GJB7: variants seen among roughly 807,000 people sequenced by gnomAD.
GJB7 encodes the protein gap junction beta-7 protein.
For synonymous variants in GJB7, 87 were observed against 95.2 expected (o/e 0.91, Z 0.50); for missense variants, 253 against 256.8 (o/e 0.99, Z 0.10).
At chr6:87,297,526 AAG>A (rs1776264367) in intron 2 of GJB7, among the ~76,000 whole-genome samples, 1 of 152,244 alleles carries the variant, frequency 6.6e-6, no homozygotes, top group Non-Finnish European at 1.5e-5. Context: ...AATCAGAAAA[AAG>A]AATATAAAAT....
chr6:87,290,813 G>A (rs1395881146), intron 2 of GJB7, among the ~76,000 whole-genome samples: 1 of 152,206 alleles, frequency 6.6e-6, no homozygotes, highest in Admixed American at 6.5e-5. Flanking sequence ...GTGTGGAGTA[G>A]TTGCGACAGA....
intron 2 of GJB7, among the ~76,000 whole-genome samples, chr6:87,300,815 T>G (rs75360952): frequency 1.3e-5 from 2 of 152,368 alleles, no homozygotes; most frequent in East Asian, 3.9e-4. Flanking sequence ...TTAAGCAGCC[T>G]TTCTGTAGAG....
At chr6:87,309,493 T>A (rs1323060183) in intron 2 of GJB7, among the ~76,000 whole-genome samples, 9 of 152,100 alleles carry the variant, frequency 5.9e-5, no homozygotes, top group Admixed American at 5.9e-4. Context: ...ACAGTCCAAT[T>A]CTCTGAAAGC....
chr6:87,299,883 A>G, intron 2 of GJB7: 1 of 240,982 alleles, frequency 4.1e-6, no homozygotes, highest in Non-Finnish European at 8.7e-6. Flanking sequence ...GAAATCGTTG[A>G]GCAGTTAGAT....
chr6:87,317,723 G>A (rs1776603296), intron 2 of GJB7, among the ~76,000 whole-genome samples: 1 of 151,944 alleles, frequency 6.6e-6, no homozygotes, highest in South Asian at 2.1e-4. Flanking sequence ...GAGCCATGGT[G>A]GCCAGCCTCC....
At chr6:87,312,002 TAGAAATAAAAAAGTC>T (rs1776517724) in intron 2 of GJB7, among the ~76,000 whole-genome samples, 3 of 152,050 alleles carry the variant, frequency 2.0e-5, no homozygotes, top group South Asian at 4.1e-4. Context: ...TATGTGGTGA[TAGAAATAAAAAAGTC>T]AGTTCCCAGG....
chr6:87,305,754 T>G (rs1178272325), intron 2 of GJB7, among the ~76,000 whole-genome samples: 14 of 152,168 alleles, frequency 9.2e-5, no homozygotes, highest in Non-Finnish European at 2.1e-4. Flanking sequence ...GCTGGAGGCA[T>G]CACACTACCT....
intron 2 of GJB7, among the ~76,000 whole-genome samples, chr6:87,288,817 T>C (rs535913433): frequency 6.6e-5 from 10 of 152,334 alleles, no homozygotes; most frequent in Non-Finnish European, 1.5e-4. Context: ...ACTCTTTTCA[T>C]CTGCGCTTCC....
At chr6:87,308,303 C>T (rs1199325890) in intron 2 of GJB7, among the ~76,000 whole-genome samples, 4 of 152,004 alleles carry the variant, frequency 2.6e-5, no homozygotes, top group African/African-American at 7.3e-5. Context: ...TGCAGCACAC[C>T]AACATGGCAC....
intron 2 of GJB7, among the ~76,000 whole-genome samples, chr6:87,285,775 C>G (rs1776050450): frequency 6.6e-6 from 1 of 152,134 alleles, no homozygotes; most frequent in Admixed American, 6.5e-5. Context: ...ATCTTGTTGA[C>G]AGTCTTTCTT....
Position 87,283,034 on chromosome 6 carries a change from T to C in GJB7, c.*1207A>G, listed in dbSNP as rs1775999793. 1 of 152,190 alleles carries C rather than the reference T, an allele frequency of 6.6e-6. No individual in the cohort carries two copies. The highest frequency in any genetic ancestry group is 2.4e-5 in the African/African-American group (1 of 41,448). 9.4% of individuals were successfully genotyped at this position (152,190 alleles called of 1,614,324 possible). On this transcript the variant is annotated 3_prime_UTR_variant, in exon 3 of 3. Transcript: ENST00000525899. ...AAGAAATGTACATATGTTAAAGTAC[T>C]AAATCCAAAGAGAACATATCTGTGA...
intron 2 of GJB7, among the ~76,000 whole-genome samples, chr6:87,302,572 G>A (rs1052115945): frequency 3.9e-5 from 6 of 152,176 alleles, no homozygotes; most frequent in African/African-American, 9.7e-5. Context: ...TCAAAGTGAC[G>A]GGGAGAATGG....
chr6:87,284,327 T>C lies in GJB7; in HGVS notation c.586A>G (p.Ile196Val). Residue 196 changes from isoleucine to valine, a missense_variant, in exon 3 of 3, where the codon ATT (isoleucine) becomes GTT (valine). Coordinates refer to ENST00000525899, the MANE Select transcript of GJB7 (RefSeq NM_198568.3). ...TTGAGAACCAAAAAACTCAGTTCAATGAAATTCAACACAATACACAAGCAT... is the reference window on the plus strand; with the variant it reads ...TTGAGAACCAAAAAACTCAGTTCAACGAAATTCAACACAATACACAAGCAT... ...TSCLCIVLNF[I>V]ELSFLVLKCF... 6.2e-7 allele frequency: 1 copy of C among 1,613,986 alleles called. No homozygotes were observed. The highest frequency in any genetic ancestry group is 8.5e-7 in the Non-Finnish European group (1 of 1,179,956).
At chr6:87,322,378 C>T (rs1440283066) in intron 2 of GJB7, 1 of 150,884 alleles carries the variant, frequency 6.6e-6, no homozygotes, top group Non-Finnish European at 1.5e-5. Flanking sequence ...AACTAAAGGT[C>T]AAAAAGGGAA....
chr6:87,313,092 T>G (rs1008626543), intron 2 of GJB7, among the ~76,000 whole-genome samples: 1 of 152,228 alleles, frequency 6.6e-6, no homozygotes, highest in African/African-American at 2.4e-5. Context: ...ATTTGGCACA[T>G]TCACAGCTCT....
intron 2 of GJB7, chr6:87,298,999 A>G: frequency 2.1e-6 from 1 of 481,622 alleles, no homozygotes; most frequent in South Asian, 1.6e-5. Flanking sequence ...TGACTGTTCC[A>G]AAGTCAATTG....
intron 2 of GJB7, among the ~76,000 whole-genome samples, chr6:87,286,917 A>G (rs1304797418): frequency 6.6e-6 from 1 of 152,238 alleles, no homozygotes; most frequent in Non-Finnish European, 1.5e-5. Flanking sequence ...ATTAACTGAC[A>G]GCAAGGTTTC....
chr6:87,326,116 C>G (rs140265632), intron 1 of GJB7, among the ~76,000 whole-genome samples: 3 of 152,056 alleles, frequency 2.0e-5, no homozygotes, highest in African/African-American at 7.2e-5. Context: ...GGTGATATCC[C>G]TTTTATCATT....
intron 2 of GJB7, among the ~76,000 whole-genome samples, chr6:87,313,848 T>A (rs1228373389): frequency 6.6e-6 from 1 of 152,214 alleles, no homozygotes; most frequent in Non-Finnish European, 1.5e-5. Context: ...CACTCCAGAC[T>A]ACAGAATCAG....
Sources: allele counts gnomAD v4.1 joint callset (sites outside exome capture counted in the v4.1 genomes callset), GRCh38; gene constraint gnomAD v4.1.1; transcripts MANE v1.5; gene names NCBI Gene and HGNC (gene_info 2026-07-23, HGNC 2026-07-21).